DCN: variants seen among roughly 807,000 people sequenced by gnomAD.
DCN encodes bone proteoglycan II.
DCN carries 17 observed loss-of-function variants against 36.5 expected under a neutral mutation model. That is an observed-to-expected ratio of 0.47 (90% CI 0.32 to 0.70). The LOEUF (loss-of-function observed/expected upper bound fraction) is 0.70, where lower values mean the gene tolerates loss of function less well. Among genes scored for constraint, DCN ranks in the 30% least tolerant of loss-of-function variants. DCN has a pLI of 0.04. For missense variants in DCN, 389 were observed against 430.1 expected (o/e 0.90, Z 0.84); for synonymous variants, 163 against 161.4 (o/e 1.01, Z -0.07).
chr12:91,171,755 C>A (rs1240463229), intron 2 of DCN, among the ~76,000 whole-genome samples: 1 of 152,178 alleles, frequency 6.6e-6, no homozygotes, highest in Non-Finnish European at 1.5e-5. Flanking sequence ...GATTATAAAT[C>A]CCGGGTAACA....
chr12:91,143,432 A>C lies in DCN; in HGVS notation c.*2626T>G, dbSNP rs772106431. ...CTCCAAGTGTGGACCAAGAAGCAGC[A>C]GCATTCCTGGAAGTTTGTTTGAAAT... On this transcript the variant is annotated 3_prime_UTR_variant, in exon 8 of 8. Transcript: ENST00000052754. The C allele has an allele frequency of 6.6e-6, 1 of 152,204 alleles. No individual in the cohort carries two copies. The highest frequency in any genetic ancestry group is 2.1e-4 in the South Asian group (1 of 4,828). The allele number at this position is 152,204 out of a possible 1,614,324, so 9.4% of individuals were successfully genotyped here.
chr12:91,173,212 C>T (rs184356687), intron 2 of DCN, among the ~76,000 whole-genome samples: 2 of 152,030 alleles, frequency 1.3e-5, no homozygotes, highest in African/African-American at 4.8e-5. Flanking sequence ...CTCTTTTACC[C>T]AGGGAATTGA....
At chr12:91,166,695 T>C (rs1352287590) in intron 2 of DCN, among the ~76,000 whole-genome samples, 3 of 151,944 alleles carry the variant, frequency 2.0e-5, no homozygotes, top group Non-Finnish European at 4.4e-5. Context: ...GGCTGACACT[T>C]TCACTTATGT....
chr12:91,171,566 G>A (rs3138191), intron 2 of DCN, among the ~76,000 whole-genome samples: 8,329 of 152,156 alleles, frequency 0.055, 762 homozygotes, highest in African/African-American at 0.19. Context: ...GTCAGAAAAG[G>A]TTGTACAGCT....
At chr12:91,172,748 C>T in intron 2 of DCN, 1 of 699,498 alleles carries the variant, frequency 1.4e-6, no homozygotes. Context: ...AAGAACCAAG[C>T]CATGCATATG....
chr12:91,180,818 C>T (rs957464908), intron 1 of DCN: 5 of 152,050 alleles, frequency 3.3e-5, no homozygotes, highest in African/African-American at 7.2e-5. Context: ...GCTAGCCTTG[C>T]ATATTTAATG....
intron 3 of DCN, among the ~76,000 whole-genome samples, chr12:91,162,690 T>C (rs1022763535): frequency 1.3e-5 from 2 of 152,220 alleles, no homozygotes; most frequent in South Asian, 2.1e-4. Context: ...AACAAATCAC[T>C]AGGTAAGTCT....
At chr12:91,177,451 G>T (rs1268488292) in intron 2 of DCN, 1 of 638,068 alleles carries the variant, frequency 1.6e-6, no homozygotes, top group African/African-American at 1.8e-5. Flanking sequence ...ATGATATAAA[G>T]ATTTTTTTTT....
At chr12:91,166,857 G>T (rs990751902) in intron 2 of DCN, among the ~76,000 whole-genome samples, 1 of 152,072 alleles carries the variant, frequency 6.6e-6, no homozygotes, top group Admixed American at 6.6e-5. Flanking sequence ...TAAAATTATA[G>T]TTCTACAACC....
chr12:91,147,108 A>G (rs1435129492), intron 7 of DCN, among the ~76,000 whole-genome samples: 4 of 152,216 alleles, frequency 2.6e-5, no homozygotes, highest in African/African-American at 9.7e-5. Flanking sequence ...CAGAATAATA[A>G]AATCTAAAGT....
Position 91,178,467 on chromosome 12 carries a change from A to G in DCN, c.86T>C (p.Leu29Pro), listed in dbSNP as rs1166076129. ...FQQRGLFDFM[L>P]EDEASGIGPE... ...GCCTATCCCAGAAGCCTCATCTTCT[A>G]GCATAAAGTCAAATAAGCCTCTCTG... The change falls in exon 2 of 8, where the codon CTA becomes CCA. Residue 29 changes from leucine to proline, a missense_variant. Transcript: ENST00000052754. 1.2e-6 allele frequency: 2 copies of G among 1,613,848 alleles called. No individual in the cohort carries two copies. Among genetic ancestry groups the G allele is most frequent in the Non-Finnish European group, 8.5e-7 (1 of 1,179,962 alleles).
chr12:91,174,929 G>A (rs939875495), intron 2 of DCN, among the ~76,000 whole-genome samples: 2 of 152,120 alleles, frequency 1.3e-5, no homozygotes, highest in Non-Finnish European at 2.9e-5. Context: ...ACTACCTGGT[G>A]ACACTTGATC....
At chr12:91,164,132 C>T (rs1256437059) in intron 3 of DCN, among the ~76,000 whole-genome samples, 3 of 151,706 alleles carry the variant, frequency 2.0e-5, no homozygotes, top group Non-Finnish European at 4.4e-5. Flanking sequence ...AACCAAACAC[C>T]GCATATTCTC....
chr12:91,157,633 A>ATT (rs34946830), intron 4 of DCN, among the ~76,000 whole-genome samples: 3 of 147,088 alleles, frequency 2.0e-5, no homozygotes, highest in Non-Finnish European at 4.5e-5. Context: ...GTTTAGAGAA[A>ATT]TTTTTTTTTT....
intron 7 of DCN, among the ~76,000 whole-genome samples, chr12:91,148,220 C>A (rs536730993): frequency 7.2e-5 from 11 of 151,910 alleles, no homozygotes; most frequent in Non-Finnish European, 1.5e-4. Context: ...ACTACAGGCG[C>A]CCACCACCAC....
intron 2 of DCN, chr12:91,177,692 T>G (rs1883376900): frequency 1.4e-6 from 1 of 698,714 alleles, no homozygotes; most frequent in South Asian, 1.5e-5. Flanking sequence ...CACAATTATA[T>G]TGAATATTTA....
chr12:91,181,304 T>G (rs192991396), intron 1 of DCN, among the ~76,000 whole-genome samples: 1 of 152,214 alleles, frequency 6.6e-6, no homozygotes, highest in Non-Finnish European at 1.5e-5. Flanking sequence ...CTGTTTTAAA[T>G]TAGTGTCATG....
intron 7 of DCN, among the ~76,000 whole-genome samples, chr12:91,148,490 G>A (rs970045796): frequency 6.6e-6 from 1 of 151,854 alleles, no homozygotes; most frequent in Non-Finnish European, 1.5e-5. Flanking sequence ...GGCCGAGGCG[G>A]ATGGATCATG....
intron 3 of DCN, among the ~76,000 whole-genome samples, chr12:91,159,581 C>T (rs1012507737): frequency 2.0e-5 from 3 of 151,622 alleles, no homozygotes; most frequent in Admixed American, 1.3e-4. Context: ...ATATTTTTCT[C>T]CTGATTTTTT....
Sources: gnomAD v4.1 joint callset for allele counts (sites outside exome capture counted in the v4.1 genomes callset) on GRCh38, gnomAD v4.1.1 for gene constraint, MANE v1.5 for transcripts, NCBI Gene and HGNC (gene_info 2026-07-23, HGNC 2026-07-21) for gene names.